Variants in BTNL8 observed in about 807,000 individuals in gnomAD.
BTNL8 encodes the protein butyrophilin like 8.
In BTNL8, 22 loss-of-function variants were observed where a neutral mutation model predicts 36.1. The observed-to-expected ratio is 0.61, with a 90% CI of 0.44 to 0.87. The LOEUF (loss-of-function observed/expected upper bound fraction) is 0.87, where lower values mean the gene tolerates loss of function less well. BTNL8 is among the 40% of genes least tolerant of loss of function. The pLI, the probability that BTNL8 is intolerant of heterozygous loss-of-function variation, is 0.00. For missense variants in BTNL8, 526 were observed against 616.9 expected, an observed-to-expected ratio of 0.85 and a Z score of 1.56; for synonymous variants, 203 against 235.6, an observed-to-expected ratio of 0.86 and a Z score of 1.27.
intron 3 of BTNL8, among the ~76,000 whole-genome samples, chr5:180,932,363 T>C (rs1366252857): frequency 1.3e-5 from 2 of 152,188 alleles, no homozygotes; most frequent in Non-Finnish European, 2.9e-5. Context: ...AATTATTTTT[T>C]TCAGATGGAG....
chr5:180,942,962 T>C (rs947413572), intron 3 of BTNL8, among the ~76,000 whole-genome samples: 12 of 151,944 alleles, frequency 7.9e-5, no homozygotes, highest in African/African-American at 2.7e-4. Flanking sequence ...TGAAAAGCTT[T>C]TGCACAACAA....
intron 3 of BTNL8, among the ~76,000 whole-genome samples, chr5:180,928,244 A>T (rs553834129): frequency 7.9e-5 from 12 of 152,350 alleles, no homozygotes; most frequent in African/African-American, 2.6e-4. Flanking sequence ...AAGCTTCATA[A>T]GTGAAGGAGA....
chr5:180,949,409 C>T lies in BTNL8; in HGVS notation c.862+144C>T. On this transcript the variant is annotated intron_variant, in intron 7 of 7. Coordinates refer to ENST00000340184, the MANE Select transcript of BTNL8 (RefSeq NM_001040462.3). ...TGGAGAAACTGGATGCTTGATCGCCCCCAAGGGTTCAGTGCCCCCAGACAC... is the reference window on the plus strand; with the variant it reads ...TGGAGAAACTGGATGCTTGATCGCCTCCAAGGGTTCAGTGCCCCCAGACAC... 7.2e-6 allele frequency: 9 copies of T among 1,241,532 alleles called. 2 individuals are homozygous for T. Among genetic ancestry groups the T allele is most frequent in the Non-Finnish European group, 1.0e-5 (9 of 887,934 alleles). 76.9% of individuals were successfully genotyped at this position (1,241,532 alleles called of 1,614,324 possible).
chr5:180,932,518 T>G (rs1758441721), intron 3 of BTNL8, among the ~76,000 whole-genome samples: 1 of 152,136 alleles, frequency 6.6e-6, no homozygotes, highest in African/African-American at 2.4e-5. Flanking sequence ...GGCTAATTTT[T>G]TTTTGTATTT....
intron 3 of BTNL8, among the ~76,000 whole-genome samples, chr5:180,930,047 A>T (rs1302675677): frequency 1.3e-5 from 2 of 152,232 alleles, no homozygotes; most frequent in East Asian, 3.8e-4. Context: ...CCTGATAAAC[A>T]TCAATGTGAA....
chr5:180,935,919 CTT>C lies in BTNL8; in HGVS notation c.674-11581_674-11580del, dbSNP rs199999371. 3.4e-5 allele frequency among the ~76,000 whole-genome samples: 5 copies of C among 147,218 alleles called. No homozygotes were observed. The highest frequency in any genetic ancestry group is 4.5e-5 in the Non-Finnish European group (3 of 66,418). On this transcript the variant is annotated intron_variant, in intron 3 of 7. Coordinates refer to ENST00000340184, the MANE Select transcript of BTNL8 (RefSeq NM_001040462.3). This position sits in a 1 kb window ranked among gnomAD's most constrained non-coding sequence, Gnocchi z 4.8. ...AATACAAGAATGCCCATTCTTATAA[CTT>C]TTTTTTTTTTTGGTGTCTTGCTCTG...
rs999013709 is a variant in BTNL8 at position 180,949,019 on chromosome 5, T to C, written c.835+73T>C. The C allele has an allele frequency of 1.7e-5, 11 of 633,876 alleles. 2 individuals are homozygous for C. Among genetic ancestry groups the C allele is most frequent in the Non-Finnish European group, 2.3e-5 (9 of 385,582 alleles). The allele number at this position is 633,876 out of a possible 1,614,324, so 39.3% of individuals were successfully genotyped here. On this transcript the variant is annotated intron_variant, in intron 6 of 7. Coordinates refer to ENST00000340184, the MANE Select transcript of BTNL8 (RefSeq NM_001040462.3). ...CTCTCGTTTATGGATTTTTATATCC[T>C]GAGGCCCGTGGGTCCCTGCAGAGCC...
intron 1 of BTNL8, among the ~76,000 whole-genome samples, chr5:180,901,732 A>C (rs1756828346): frequency 6.6e-6 from 1 of 152,222 alleles, no homozygotes; most frequent in Admixed American, 6.5e-5. Flanking sequence ...ACATGTACCA[A>C]GAATTTTTTT....
chr5:180,900,991 C>T (rs1756799549), intron 1 of BTNL8, among the ~76,000 whole-genome samples: 1 of 152,186 alleles, frequency 6.6e-6, no homozygotes, highest in African/African-American at 2.4e-5. Flanking sequence ...AGGCAGAGGC[C>T]AGGCTCCAGG....
At chr5:180,909,059 C>T (rs1012276014) in intron 2 of BTNL8, 126 bp downstream of exon 2, 11 of 926,046 alleles carry the variant, frequency 1.2e-5, no homozygotes, top group African/African-American at 6.7e-5. Context: ...CTATACTCTA[C>T]GTTCCTTCTG....
intron 3 of BTNL8, among the ~76,000 whole-genome samples, chr5:180,914,045 T>G (rs1757518409): frequency 6.6e-6 from 1 of 152,222 alleles, no homozygotes; most frequent in East Asian, 1.9e-4. Flanking sequence ...ATAAAATGCT[T>G]TACAAAAACT....
intron 3 of BTNL8, among the ~76,000 whole-genome samples, chr5:180,912,527 GA>G (rs1757446680): frequency 1.3e-5 from 2 of 151,976 alleles, no homozygotes; most frequent in African/African-American, 4.8e-5. Flanking sequence ...TATTTCTAGA[GA>G]AAAAGAATTT....
chr5:180,907,436 CA>C (rs1419924703), intron 1 of BTNL8, among the ~76,000 whole-genome samples: 1 of 141,348 alleles, frequency 7.1e-6, no homozygotes, highest in Non-Finnish European at 1.5e-5. Flanking sequence ...AATTTTTTTT[CA>C]AAGTTTTCAA....
intron 3 of BTNL8, among the ~76,000 whole-genome samples, chr5:180,938,087 A>G (rs575426964): frequency 8.5e-4 from 130 of 152,280 alleles, no homozygotes; most frequent in African/African-American, 3.1e-3. Context: ...ATTCCTTTCA[A>G]ATTTATACAG....
chr5:180,918,667 A>C (rs1020830448), intron 3 of BTNL8, among the ~76,000 whole-genome samples: 1 of 152,214 alleles, frequency 6.6e-6, no homozygotes, highest in Non-Finnish European at 1.5e-5. Context: ...TTACAGCTTG[A>C]TTTTATGTTT....
Position 180,925,507 on chromosome 5 carries a change from A to G in BTNL8, c.673+13893A>G, listed in dbSNP as rs532627690. ...AGGAAAGAATGGCATTATGTATTCA[A>G]AGTGTTGAAGGAAAAGATTGCCAAT... On this transcript the variant is annotated intron_variant, in intron 3 of 7. Coordinates refer to ENST00000340184, the MANE Select transcript of BTNL8 (RefSeq NM_001040462.3). Among the ~76,000 whole-genome samples, 239 of 152,372 alleles carry G rather than the reference A, an allele frequency of 1.6e-3. 1 individual carries two copies. The highest frequency in any genetic ancestry group is 5.6e-3 in the African/African-American group (233 of 41,586).
intron 1 of BTNL8, among the ~76,000 whole-genome samples, chr5:180,907,271 T>C (rs1757122792): frequency 8.1e-6 from 1 of 123,728 alleles, no homozygotes; most frequent in Admixed American, 7.8e-5. Flanking sequence ...ATTTCATTCA[T>C]TTCATCTTCC....
intron 3 of BTNL8, among the ~76,000 whole-genome samples, chr5:180,921,946 G>A (rs1383098114): frequency 2.0e-5 from 3 of 151,852 alleles, no homozygotes; most frequent in Non-Finnish European, 2.9e-5. Flanking sequence ...TTAAATAAAT[G>A]TATCCATTTC....
chr5:180,910,923 A>G (rs1251802988), intron 2 of BTNL8, among the ~76,000 whole-genome samples: 1 of 152,152 alleles, frequency 6.6e-6, no homozygotes. Flanking sequence ...ATGGGGGAGG[A>G]TGAGACAGGG....
Sources: gnomAD v4.1 joint callset for allele counts (sites outside exome capture counted in the v4.1 genomes callset) on GRCh38, gnomAD v4.1.1 for gene constraint, Gnocchi (gnomAD v3.1) non-coding constraint, MANE v1.5 for transcripts, NCBI Gene and HGNC (gene_info 2026-07-23, HGNC 2026-07-21) for gene names.